The following XRCC4 variants were observed in gnomAD, a reference collection of about 807,000 sequenced individuals.
The protein encoded by XRCC4 is DNA repair protein XRCC4.
Under a neutral mutation model 39.1 loss-of-function variants are expected in XRCC4, and 28 were observed. The observed-to-expected ratio is 0.72, with a 90% CI of 0.53 to 0.98. The LOEUF (loss-of-function observed/expected upper bound fraction) is 0.98. Among genes scored for constraint, XRCC4 ranks in the 50% least tolerant of loss-of-function variants. XRCC4 has a pLI of 0.00. For synonymous variants in XRCC4, 123 were observed against 126.4 expected, an observed-to-expected ratio of 0.97 and a Z score of 0.18; for missense variants, 350 against 376.4, an observed-to-expected ratio of 0.93 and a Z score of 0.58.
Position 83,138,910 on chromosome 5 carries a change from T to C in XRCC4, c.315+27707T>C, listed in dbSNP as rs542529181. Among the ~76,000 whole-genome samples the C allele has an allele frequency of 3.9e-5, 6 of 152,252 alleles. No homozygotes were observed. In the South Asian group the frequency reaches 1.2e-3, roughly 32 times the overall value. On this transcript the variant is annotated intron_variant, in intron 3 of 7. Transcript: ENST00000396027. Reference sequence around the variant, plus strand: ...TTTGAGAGGTAATATATATTTTTTATTGCTTAATTTTAGACTTATAGAGAA... The same window carrying C: ...TTTGAGAGGTAATATATATTTTTTACTGCTTAATTTTAGACTTATAGAGAA...
Position 83,269,590 on chromosome 5 carries a change from C to T in XRCC4, c.893+10913C>T, listed in dbSNP as rs560209559. ...ACATTTGATAGAGTTCAAAAAATAA[C>T]CTGAAATTGGGAATTCAGTAAAAAT... On this transcript the variant is annotated intron_variant, in intron 7 of 7. Transcript: ENST00000396027. Among the ~76,000 whole-genome samples the T allele has an allele frequency of 1.3e-4, 19 of 151,116 alleles. 1 individual carries two copies. Among genetic ancestry groups the T allele is most frequent in the Admixed American group, 6.7e-5 (1 of 15,032 alleles).
chr5:83,314,369 AG>A (rs2112105778), intron 7 of XRCC4, among the ~76,000 whole-genome samples: 1 of 152,324 alleles, frequency 6.6e-6, no homozygotes, highest in Non-Finnish European at 1.5e-5. Flanking sequence ...AAATTGACAT[AG>A]GATGTATATT....
chr5:83,084,713 G>C (rs998513513), intron 1 of XRCC4, among the ~76,000 whole-genome samples: 1 of 152,040 alleles, frequency 6.6e-6, no homozygotes, highest in African/African-American at 2.4e-5. Flanking sequence ...TCTCTGACAC[G>C]TAGCACAAAA....
chr5:83,208,392 T>C (rs1469131027), intron 6 of XRCC4, among the ~76,000 whole-genome samples: 2 of 152,054 alleles, frequency 1.3e-5, no homozygotes. Flanking sequence ...GGTATGGTAA[T>C]TCATTCACAA....
intron 3 of XRCC4, among the ~76,000 whole-genome samples, chr5:83,121,691 C>T (rs1747015733): frequency 6.6e-6 from 1 of 152,146 alleles, no homozygotes; most frequent in African/African-American, 2.4e-5. Flanking sequence ...GTGGGAGAAG[C>T]AGATAATTTC....
intron 7 of XRCC4, among the ~76,000 whole-genome samples, chr5:83,272,585 C>G (rs573245083): frequency 2.6e-5 from 4 of 152,002 alleles, no homozygotes; most frequent in African/African-American, 4.8e-5. Flanking sequence ...TCTTTCCCCC[C>G]ACCCCACGAC....
chr5:83,130,157 A>G (rs1018656405), intron 3 of XRCC4, among the ~76,000 whole-genome samples: 10 of 151,922 alleles, frequency 6.6e-5, no homozygotes, highest in African/African-American at 2.4e-4. Flanking sequence ...TACCTAATTT[A>G]TTGAGAGTTT....
intron 3 of XRCC4, among the ~76,000 whole-genome samples, chr5:83,179,336 ATG>A (rs926113270): frequency 2.6e-4 from 40 of 152,304 alleles, no homozygotes; most frequent in African/African-American, 8.7e-4. Context: ...TAATAAGAGC[ATG>A]TCTCTCTTTT....
chr5:83,304,194 T>A (rs1215891912), intron 7 of XRCC4, among the ~76,000 whole-genome samples: 1 of 150,092 alleles, frequency 6.7e-6, no homozygotes, highest in Non-Finnish European at 1.5e-5. Flanking sequence ...TTTTTTTTTT[T>A]TTTGAGACGG....
At chr5:83,184,979 G>A (rs760303383) in intron 3 of XRCC4, among the ~76,000 whole-genome samples, 1 of 152,018 alleles carries the variant, frequency 6.6e-6, no homozygotes, top group African/African-American at 2.4e-5. Context: ...GGTTACAGTT[G>A]TTTATTCAGG....
chr5:83,273,425 A>C (rs1389562237), intron 7 of XRCC4, among the ~76,000 whole-genome samples: 1 of 152,172 alleles, frequency 6.6e-6, no homozygotes, highest in South Asian at 2.1e-4. Flanking sequence ...CTTTAGTTTA[A>C]TTAGATCCCA....
chr5:83,212,858 T>A lies in XRCC4; in HGVS notation c.745+7937T>A, dbSNP rs552976887. Reference sequence around the variant, plus strand: ...AGGAGAATCTCTTGAACCAGAGAGGTGGAGGTTGCAGTGAGTCAAGATCAT... The same window carrying A: ...AGGAGAATCTCTTGAACCAGAGAGGAGGAGGTTGCAGTGAGTCAAGATCAT... On this transcript the variant is annotated intron_variant, in intron 6 of 7. Coordinates refer to ENST00000396027, the MANE Select transcript of XRCC4 (RefSeq NM_003401.5). Among the ~76,000 whole-genome samples the A allele has an allele frequency of 9.1e-5, 13 of 142,852 alleles. No individual in the cohort carries two copies. The South Asian group carries it at 2.8e-3, about 31-fold the overall frequency. The allele number at this position is 142,852 out of a possible 152,430, so 93.7% of individuals were successfully genotyped here.
At chr5:83,116,481 T>C (rs1746714120) in intron 3 of XRCC4, among the ~76,000 whole-genome samples, 1 of 152,164 alleles carries the variant, frequency 6.6e-6, no homozygotes, top group South Asian at 2.1e-4. Flanking sequence ...GAAATTTACA[T>C]TTATAACAAA....
intron 3 of XRCC4, among the ~76,000 whole-genome samples, chr5:83,147,518 C>G (rs1238325022): frequency 2.6e-5 from 4 of 151,890 alleles, no homozygotes; most frequent in Non-Finnish European, 4.4e-5. Flanking sequence ...CTCATGGAAG[C>G]AGAGAGTAGA....
chr5:83,170,816 C>A (rs1297472467), intron 3 of XRCC4, among the ~76,000 whole-genome samples: 2 of 152,068 alleles, frequency 1.3e-5, no homozygotes, highest in Non-Finnish European at 2.9e-5. Flanking sequence ...CTCACTCACA[C>A]CTGAAAGGAG....
intron 7 of XRCC4, among the ~76,000 whole-genome samples, chr5:83,283,330 C>T (rs1479848355): frequency 1.3e-5 from 2 of 152,174 alleles, no homozygotes; most frequent in Non-Finnish European, 2.9e-5. Context: ...ATTCCATTGC[C>T]TTTTCTGCTA....
intron 7 of XRCC4, among the ~76,000 whole-genome samples, chr5:83,260,126 GGTTTGT>G (rs578171549): frequency 7.2e-5 from 11 of 151,940 alleles, no homozygotes; most frequent in South Asian, 2.1e-4. Context: ...AATTCTTTCC[GGTTTGT>G]GTTTATCATT....
chr5:83,318,476 C>A lies in XRCC4; in HGVS notation c.894-34655C>A, dbSNP rs1371195614. Among the ~76,000 whole-genome samples, 70 of 77,670 alleles carry A rather than the reference C, an allele frequency of 9.0e-4. 2 individuals are homozygous for A. Among genetic ancestry groups the A allele is most frequent in the African/African-American group, 4.9e-3 (63 of 12,802 alleles). 51.0% of individuals were successfully genotyped at this position (77,670 alleles called of 152,430 possible). ...AAACCCCATCGTCTCAGCCCAAAAT[C>A]TCCTTAAGCTGATAAGCAACTTCAG... is the stretch of plus-strand genomic sequence containing the variant. On this transcript the variant is annotated intron_variant, in intron 7 of 7. Transcript: ENST00000396027.
intron 3 of XRCC4, among the ~76,000 whole-genome samples, chr5:83,193,807 T>A (rs1383851979): frequency 1.3e-5 from 2 of 152,240 alleles, no homozygotes; most frequent in African/African-American, 4.8e-5. Context: ...AACCACTTTG[T>A]GGGTTTATGT....
Sources: gnomAD v4.1 joint callset for allele counts (sites outside exome capture counted in the v4.1 genomes callset) on GRCh38, gnomAD v4.1.1 for gene constraint, MANE v1.5 for transcripts, NCBI Gene and HGNC (gene_info 2026-07-23, HGNC 2026-07-21) for gene names.